The following OR2L13 variants were observed in gnomAD, a reference collection of about 807,000 sequenced individuals.
OR2L13 encodes olfactory receptor 2L13.
A neutral mutation model predicts 15.3 loss-of-function variants in OR2L13; 14 were observed. The ratio of observed to expected loss-of-function variants is 0.91; its 90% confidence interval spans 0.60 to 1.43. The LOEUF (loss-of-function observed/expected upper bound fraction) is 1.43. Among genes scored for constraint, OR2L13 ranks in the 40% most tolerant of loss-of-function variants. The pLI, the probability that OR2L13 is intolerant of heterozygous loss-of-function variation, is 0.00. For missense variants in OR2L13, 367 were observed against 387.9 expected (o/e 0.95, Z 0.45); for synonymous variants, 152 against 142.9 (o/e 1.06, Z -0.45).
the OR2L13 span, among the ~76,000 whole-genome samples, chr1:248,068,050 C>G: frequency 6.6e-6 from 1 of 152,146 alleles, no homozygotes; most frequent in South Asian, 2.1e-4. Flanking sequence ...CCTCTGTAGG[C>G]TCCACCTCTG....
chr1:247,987,726 C>G, the OR2L13 span, among the ~76,000 whole-genome samples: 1 of 151,910 alleles, frequency 6.6e-6, no homozygotes, highest in Admixed American at 6.6e-5. Context: ...TCTCAAATAC[C>G]AGCCCTTGAC....
At chr1:248,017,438 G>T in the OR2L13 span, among the ~76,000 whole-genome samples, 1 of 152,168 alleles carries the variant, frequency 6.6e-6, no homozygotes, top group Admixed American at 6.5e-5. Context: ...TGGTGTTCAA[G>T]AGATATCGTA....
the OR2L13 span, chr1:247,966,198 G>C: frequency 6.2e-7 from 1 of 1,613,812 alleles, no homozygotes; most frequent in Non-Finnish European, 8.5e-7. Context: ...ATAAGGCGGT[G>C]GCAGTATTTT....
At chr1:248,018,949 C>T in the OR2L13 span, among the ~76,000 whole-genome samples, 4 of 152,122 alleles carry the variant, frequency 2.6e-5, no homozygotes, top group African/African-American at 9.7e-5. Flanking sequence ...AATCAAAGTT[C>T]ATCTATGTTG....
chr1:248,014,689 T>G, the OR2L13 span, among the ~76,000 whole-genome samples: 1 of 152,128 alleles, frequency 6.6e-6, no homozygotes, highest in Admixed American at 6.6e-5. Flanking sequence ...ATGATAATGA[T>G]GAAGATGCTG....
chr1:248,022,893 G>C, the OR2L13 span: 1 of 1,595,490 alleles, frequency 6.3e-7, no homozygotes, highest in Non-Finnish European at 8.5e-7. Context: ...GTAGACATAC[G>C]TTCTGTGTTA....
the OR2L13 span, among the ~76,000 whole-genome samples, chr1:247,980,000 G>A: frequency 0.039 from 5,904 of 152,078 alleles, 354 homozygotes; most frequent in African/African-American, 0.13. Context: ...TACAATAACA[G>A]TGTATCAACT....
chr1:248,082,852 A>G, the OR2L13 span, among the ~76,000 whole-genome samples: 1 of 152,176 alleles, frequency 6.6e-6, no homozygotes, highest in East Asian at 1.9e-4. Flanking sequence ...ATTCAGCATG[A>G]TTATGCAATT....
the OR2L13 span, among the ~76,000 whole-genome samples, chr1:247,998,224 G>T: frequency 6.6e-6 from 1 of 152,120 alleles, no homozygotes; most frequent in African/African-American, 2.4e-5. Context: ...TAACACGTCA[G>T]CAGAAATCTT....
At chr1:247,962,152 A>G in the OR2L13 span, among the ~76,000 whole-genome samples, 1 of 152,212 alleles carries the variant, frequency 6.6e-6, no homozygotes, top group Non-Finnish European at 1.5e-5. Context: ...ATTTCACAGA[A>G]GTTGTGCCTT....
At chr1:248,072,682 G>T in the OR2L13 span, among the ~76,000 whole-genome samples, 1 of 151,904 alleles carries the variant, frequency 6.6e-6, no homozygotes, top group Non-Finnish European at 1.5e-5. Context: ...CCATCAGAGT[G>T]AACAGGCAAC....
At chr1:247,977,475 T>G in the OR2L13 span, among the ~76,000 whole-genome samples, 1 of 152,146 alleles carries the variant, frequency 6.6e-6, no homozygotes, top group African/African-American at 2.4e-5. Flanking sequence ...TGTAGATACT[T>G]TTTTTTAGAC....
chr1:247,953,369 G>A, the OR2L13 span, among the ~76,000 whole-genome samples: 1 of 152,084 alleles, frequency 6.6e-6, no homozygotes, highest in Admixed American at 6.6e-5. Context: ...ATATCATGCG[G>A]TATCTATGTA....
the OR2L13 span, among the ~76,000 whole-genome samples, chr1:248,012,005 A>G: frequency 5.3e-5 from 8 of 152,328 alleles, no homozygotes; most frequent in African/African-American, 1.9e-4. Context: ...GATTTAATGG[A>G]TAATTCAAAT....
the OR2L13 span, among the ~76,000 whole-genome samples, chr1:248,066,895 T>G: frequency 6.6e-6 from 1 of 152,224 alleles, no homozygotes; most frequent in Non-Finnish European, 1.5e-5. Context: ...ACTTAACTAG[T>G]GAAGATAGCT....
chr1:248,022,198 T>C, the OR2L13 span: 2 of 1,614,128 alleles, frequency 1.2e-6, no homozygotes, highest in South Asian at 1.1e-5. Context: ...GCTTCTGATT[T>C]TCTGTATGGA....
chr1:248,080,588 C>T, the OR2L13 span, among the ~76,000 whole-genome samples: 3 of 152,150 alleles, frequency 2.0e-5, no homozygotes, highest in Non-Finnish European at 4.4e-5. Flanking sequence ...TCATCCATGT[C>T]CCTGCAAAGG....
At chr1:248,081,088 A>G in the OR2L13 span, among the ~76,000 whole-genome samples, 1 of 152,332 alleles carries the variant, frequency 6.6e-6, no homozygotes, top group African/African-American at 2.4e-5. Flanking sequence ...GGGACAATGT[A>G]TCTTCAATAT....
chr1:248,099,867 T>A, exon 3 of OR2L13: 1 of 1,614,170 alleles, frequency 6.2e-7, no homozygotes, highest in Non-Finnish European at 8.5e-7. Flanking sequence ...TTGCCCTTCA[T>A]ATTCCCTACT....
Sources: gnomAD v4.1 joint callset for allele counts (sites outside exome capture counted in the v4.1 genomes callset) on GRCh38, gnomAD v4.1.1 for gene constraint, MANE v1.5 for transcripts, NCBI Gene and HGNC (gene_info 2026-07-23, HGNC 2026-07-21) for gene names.